MYO9A: variants seen among roughly 807,000 people sequenced by gnomAD.
MYO9A encodes myosin IXA, also known as unconventional myosin-IXa.
In MYO9A, 103 loss-of-function variants were observed where a neutral mutation model predicts 293.3. That is an observed-to-expected ratio of 0.35 (90% CI 0.30 to 0.41). MYO9A has a LOEUF of 0.41. MYO9A is among the 10% of genes least tolerant of loss of function. The pLI is 1.00. For missense variants in MYO9A, 2,685 were observed against 3,033.0 expected, an observed-to-expected ratio of 0.89 and a Z score of 2.69; for synonymous variants, 1,001 against 1,035.7, an observed-to-expected ratio of 0.97 and a Z score of 0.64.
intron 1 of MYO9A, among the ~76,000 whole-genome samples, chr15:72,077,747 AAAAAAAT>A (rs1476706689): frequency 6.1e-3 from 278 of 45,720 alleles, no homozygotes; most frequent in African/African-American, 0.016. Flanking sequence ...AAAAAAAAAA[AAAAAAAT>A]ATATATATAT....
At chr15:71,852,692 A>G (rs775877515) in intron 35 of MYO9A, among the ~76,000 whole-genome samples, 2 of 152,124 alleles carry the variant, frequency 1.3e-5, no homozygotes, top group Non-Finnish European at 2.9e-5. Context: ...AAACTGACTA[A>G]CCTATTTTCC....
intron 32 of MYO9A, among the ~76,000 whole-genome samples, chr15:71,874,683 T>C (rs1478792934): frequency 2.0e-5 from 3 of 152,194 alleles, no homozygotes; most frequent in Non-Finnish European, 4.4e-5. Flanking sequence ...CGGACTGCTG[T>C]TGATAGCAGT....
intron 39 of MYO9A, among the ~76,000 whole-genome samples, chr15:71,840,786 T>C (rs977176767): frequency 1.3e-5 from 2 of 152,072 alleles, no homozygotes; most frequent in African/African-American, 2.4e-5. Context: ...CCTGCCACCA[T>C]GCCCGGCTAA....
At chr15:71,979,043 C>T (rs2076211192) in intron 11 of MYO9A, among the ~76,000 whole-genome samples, 1 of 152,028 alleles carries the variant, frequency 6.6e-6, no homozygotes, top group Non-Finnish European at 1.5e-5. Flanking sequence ...TCCCATGTAC[C>T]TAATTGTTTT....
intron 9 of MYO9A, among the ~76,000 whole-genome samples, chr15:71,997,897 G>A (rs2076744858): frequency 6.6e-6 from 1 of 152,058 alleles, no homozygotes; most frequent in South Asian, 2.1e-4. Context: ...TTCAACCATT[G>A]GGGAAGACAG....
rs1418321189 is a variant in MYO9A, at chr15:71,925,114, A to ATC, written c.2562+8554_2562+8555dup. Among the ~76,000 whole-genome samples the ATC allele has an allele frequency of 6.6e-5, 10 of 150,742 alleles. No homozygotes were observed. In the South Asian group the frequency reaches 8.4e-4, roughly 13 times the overall value. On this transcript the variant is annotated intron_variant, in intron 18 of 41. Transcript: ENST00000356056. ...TGTCCCCTATAATTACAGTATTGCT[A>ATC]TCTCTCTCTCCCTTTAGGGCTAATA... is the stretch of plus-strand genomic sequence containing the variant.
chr15:71,962,525 G>C lies in MYO9A; in HGVS notation c.1987-2429C>G, dbSNP rs78071131. On this transcript the variant is annotated intron_variant, in intron 13 of 41. Coordinates refer to ENST00000356056, the MANE Select transcript of MYO9A (RefSeq NM_006901.4). ...AAAGAAAATTAGAAAAACTGAATAA[G>C]AGTACTCAAATCCAAATAACCTCTG... Among the ~76,000 whole-genome samples the C allele has an allele frequency of 2.0e-5, 3 of 152,186 alleles. No homozygotes were observed. In the East Asian group the frequency reaches 5.8e-4, roughly 29 times the overall value.
rs917814081 is a variant in MYO9A at position 72,112,607 on chromosome 15, G to A, written c.-72+5073C>T. Among the ~76,000 whole-genome samples, 6 of 152,232 alleles carry A rather than the reference G, an allele frequency of 3.9e-5. No individual in the cohort carries two copies. The South Asian group carries it at 1.2e-3, about 32-fold the overall frequency. On this transcript the variant is annotated intron_variant, in intron 1 of 41. Coordinates refer to ENST00000356056, the MANE Select transcript of MYO9A (RefSeq NM_006901.4). ...TTATGTTATTTTGAACTTGTCTATT[G>A]TATGAAACTATGCCATAATTGTTTC...
chr15:71,844,766 G>A (rs1474079637), intron 39 of MYO9A, among the ~76,000 whole-genome samples: 3 of 152,240 alleles, frequency 2.0e-5, no homozygotes, highest in Middle Eastern at 3.4e-3. Flanking sequence ...ACTATAAATC[G>A]AAGTAAGCCT....
intron 25 of MYO9A, among the ~76,000 whole-genome samples, chr15:71,895,864 T>C (rs1179184822): frequency 2.0e-5 from 3 of 152,144 alleles, no homozygotes; most frequent in African/African-American, 7.2e-5. Flanking sequence ...CAAAACAAAT[T>C]CATGGATCCA....
At chr15:72,041,896 A>T (rs1451278887) in intron 2 of MYO9A, among the ~76,000 whole-genome samples, 2 of 151,858 alleles carry the variant, frequency 1.3e-5, no homozygotes, top group African/African-American at 4.8e-5. Context: ...AAAAACAGTA[A>T]TAATAATAAT....
chr15:71,966,718 T>A (rs1405299771), intron 13 of MYO9A, among the ~76,000 whole-genome samples: 1 of 152,178 alleles, frequency 6.6e-6, no homozygotes, highest in African/African-American at 2.4e-5. Flanking sequence ...CCTTAAGATT[T>A]CACTTCAATT....
At chr15:71,980,542 T>C (rs1445010930) in intron 11 of MYO9A, among the ~76,000 whole-genome samples, 1 of 152,158 alleles carries the variant, frequency 6.6e-6, no homozygotes, top group Non-Finnish European at 1.5e-5. Context: ...GTATTCATGA[T>C]AAAAACTCTT....
chr15:72,005,653 T>A (rs550517265), intron 8 of MYO9A, among the ~76,000 whole-genome samples: 1 of 152,318 alleles, frequency 6.6e-6, no homozygotes, highest in Non-Finnish European at 1.5e-5. Flanking sequence ...TGCCAGGTTA[T>A]CATTCCACTG....
intron 34 of MYO9A, among the ~76,000 whole-genome samples, chr15:71,857,447 A>G (rs2055906358): frequency 6.6e-6 from 1 of 152,212 alleles, no homozygotes; most frequent in South Asian, 2.1e-4. Context: ...AAGAAACAGA[A>G]TATTACCAAG....
rs775204559 is a variant in MYO9A, at chr15:72,107,420, G to A, written c.-72+10260C>T. Among the ~76,000 whole-genome samples the A allele has an allele frequency of 2.6e-5, 4 of 151,976 alleles. No individual in the cohort carries two copies. The East Asian group carries it at 7.7e-4, about 29-fold the overall frequency. On this transcript the variant is annotated intron_variant, in intron 1 of 41. Coordinates refer to ENST00000356056, the MANE Select transcript of MYO9A (RefSeq NM_006901.4). ...AAAAATTAGCGAAGTATAGTGGCGC[G>A]CGCCTGTAATCCCAGCTACTCCAGA... is the stretch of plus-strand genomic sequence containing the variant.
intron 39 of MYO9A, among the ~76,000 whole-genome samples, chr15:71,838,190 T>C (rs1002817755): frequency 9.2e-5 from 14 of 152,250 alleles, no homozygotes; most frequent in African/African-American, 3.1e-4. Context: ...TAGCTAATCT[T>C]TCTATTTACT....
At chr15:72,117,630 C>G (rs984361163) in intron 1 of MYO9A, 50 bp downstream of exon 1, 1 of 394,842 alleles carries the variant, frequency 2.5e-6, no homozygotes, top group Non-Finnish European at 4.5e-6. Flanking sequence ...GAGGCTGAGA[C>G]GTGGGCCAGG....
At chr15:71,967,554 A>C (rs2075908027) in intron 13 of MYO9A, among the ~76,000 whole-genome samples, 1 of 152,192 alleles carries the variant, frequency 6.6e-6, no homozygotes, top group Non-Finnish European at 1.5e-5. Flanking sequence ...GAAATGGACA[A>C]CATTATTAAG....
Sources: gnomAD v4.1 joint callset for allele counts (sites outside exome capture counted in the v4.1 genomes callset) on GRCh38, gnomAD v4.1.1 for gene constraint, MANE v1.5 for transcripts, NCBI Gene and HGNC (gene_info 2026-07-23, HGNC 2026-07-21) for gene names.